The following APBA1 variants were observed in gnomAD, a reference collection of about 807,000 sequenced individuals.
APBA1 encodes the protein amyloid beta precursor protein binding family A member 1, also known as amyloid-beta A4 precursor protein-binding family A member 1.
Under a neutral mutation model 86.6 loss-of-function variants are expected in APBA1, and 55 were observed. That is an observed-to-expected ratio of 0.64 (90% CI 0.51 to 0.80). APBA1 has a LOEUF of 0.80. APBA1 is among the 30% of genes least tolerant of loss of function. The probability of loss-of-function intolerance (pLI) is 0.00; values close to 1 mark genes in which losing one functional copy is unlikely to be tolerated. For synonymous variants in APBA1, 511 were observed against 493.9 expected (o/e 1.03, Z -0.46); for missense variants, 1,090 against 1,183.0 (o/e 0.92, Z 1.15).
chr9:69,645,682 G>T (rs916283667), intron 1 of APBA1, among the ~76,000 whole-genome samples: 46 of 152,326 alleles, frequency 3.0e-4, no homozygotes, highest in African/African-American at 1.1e-3. Flanking sequence ...GGCAGGAGAA[G>T]GGTGGCCTTG....
At chr9:69,604,533 G>C (rs1223039944) in intron 1 of APBA1, among the ~76,000 whole-genome samples, 1 of 143,886 alleles carries the variant, frequency 6.9e-6, no homozygotes, top group Non-Finnish European at 1.5e-5. Flanking sequence ...AGGGTAACAG[G>C]AGAGGCACAC....
intron 1 of APBA1, among the ~76,000 whole-genome samples, chr9:69,582,862 A>G (rs1392183331): frequency 6.6e-6 from 1 of 152,242 alleles, no homozygotes; most frequent in Non-Finnish European, 1.5e-5. Context: ...AATCCTGTGT[A>G]GACTCACTAT....
At chr9:69,605,125 C>T (rs998170690) in intron 1 of APBA1, among the ~76,000 whole-genome samples, 1 of 152,142 alleles carries the variant, frequency 6.6e-6, no homozygotes, top group Non-Finnish European at 1.5e-5. Flanking sequence ...TTCTCCTGCC[C>T]TTTAAAAATA....
At chr9:69,553,098 G>T (rs1340859492) in intron 1 of APBA1, among the ~76,000 whole-genome samples, 3 of 152,092 alleles carry the variant, frequency 2.0e-5, no homozygotes, top group Non-Finnish European at 2.9e-5. Context: ...TAGAGACAGG[G>T]TTTCTCCATG....
chr9:69,575,746 T>C (rs1461631150), intron 1 of APBA1, among the ~76,000 whole-genome samples: 2 of 152,058 alleles, frequency 1.3e-5, no homozygotes, highest in Non-Finnish European at 2.9e-5. Flanking sequence ...CCTAAAACCA[T>C]AAAAACCCTA....
intron 3 of APBA1, 80 bp downstream of exon 3, chr9:69,475,968 A>C: frequency 8.8e-7 from 1 of 1,138,786 alleles, no homozygotes; most frequent in Non-Finnish European, 1.3e-6. Context: ...GCGCTGTAGG[A>C]TGCTGTATTA....
chr9:69,449,146 G>C (rs1366214798), intron 10 of APBA1, among the ~76,000 whole-genome samples: 1 of 152,130 alleles, frequency 6.6e-6, no homozygotes, highest in Admixed American at 6.5e-5. Flanking sequence ...GGGCCACTGG[G>C]AAGGAAAAAG....
chr9:69,611,557 C>G (rs1427405225), intron 1 of APBA1, among the ~76,000 whole-genome samples: 1 of 152,122 alleles, frequency 6.6e-6, no homozygotes, highest in South Asian at 2.1e-4. Flanking sequence ...CTGGTTTATT[C>G]AAAATTTTGG....
At chr9:69,580,232 C>A (rs1174596179) in intron 1 of APBA1, among the ~76,000 whole-genome samples, 1 of 152,166 alleles carries the variant, frequency 6.6e-6, no homozygotes, top group Non-Finnish European at 1.5e-5. Context: ...GGATTCGGAG[C>A]CTGAATCTGG....
intron 2 of APBA1, among the ~76,000 whole-genome samples, chr9:69,502,350 T>C (rs1835891779): frequency 6.6e-6 from 1 of 151,984 alleles, no homozygotes; most frequent in Non-Finnish European, 1.5e-5. Flanking sequence ...CAAGCTAAAA[T>C]AATTGGAGGC....
chr9:69,637,085 A>T (rs1470666709), intron 1 of APBA1, among the ~76,000 whole-genome samples: 5 of 152,194 alleles, frequency 3.3e-5, no homozygotes, highest in Non-Finnish European at 7.3e-5. Flanking sequence ...ATGGCACTGG[A>T]GGTATTTACG....
intron 2 of APBA1, among the ~76,000 whole-genome samples, chr9:69,496,710 G>A (rs1242303270): frequency 1.3e-5 from 2 of 151,942 alleles, no homozygotes; most frequent in Non-Finnish European, 2.9e-5. Context: ...TACAGCACTG[G>A]GCATCTCTCA....
chr9:69,621,153 AC>A (rs1822809710), intron 1 of APBA1, among the ~76,000 whole-genome samples: 2 of 152,232 alleles, frequency 1.3e-5, no homozygotes, highest in African/African-American at 4.8e-5. Flanking sequence ...TGTTATTATC[AC>A]CAGTGAAGGG....
rs553999216 is a variant in APBA1 at position 69,431,093 on chromosome 9, G to T, written c.*234C>A. 2.2e-6 allele frequency: 1 copy of T among 459,524 alleles called. No homozygotes were observed. The highest frequency in any genetic ancestry group is 3.7e-5 in the South Asian group (1 of 27,234). 28.5% of individuals were successfully genotyped at this position (459,524 alleles called of 1,614,324 possible). The stretch of plus-strand genomic sequence containing the variant: ...CCTGGGTCAGTACCAGGTGGGTGCT[G>T]GCTGCTCTCCATCCTCAAGGGAGTG... On this transcript the variant is annotated 3_prime_UTR_variant, in exon 13 of 13. Transcript: ENST00000265381.
At chr9:69,626,517 C>T (rs956808360) in intron 1 of APBA1, among the ~76,000 whole-genome samples, 2 of 152,010 alleles carry the variant, frequency 1.3e-5, no homozygotes, top group Non-Finnish European at 2.9e-5. Flanking sequence ...TCGTGTGTAT[C>T]GCAATATACA....
intron 1 of APBA1, among the ~76,000 whole-genome samples, chr9:69,611,293 A>AC (rs1459106366): frequency 6.6e-6 from 1 of 151,036 alleles, no homozygotes; most frequent in East Asian, 1.9e-4. Context: ...AGGAAAAAAA[A>AC]AAAAAAAAAA....
chr9:69,450,421 C>G (rs530837927), intron 9 of APBA1, among the ~76,000 whole-genome samples: 7 of 152,150 alleles, frequency 4.6e-5, no homozygotes, highest in Admixed American at 6.5e-5. Context: ...ATGTTGGATA[C>G]TTGCACTCTG....
At chr9:69,513,204 T>C (rs1328866878) in intron 2 of APBA1, among the ~76,000 whole-genome samples, 5 of 152,254 alleles carry the variant, frequency 3.3e-5, no homozygotes. Flanking sequence ...CATCATACAA[T>C]GTTCTATAAT....
chr9:69,627,445 A>T (rs1822955670), intron 1 of APBA1, among the ~76,000 whole-genome samples: 1 of 152,142 alleles, frequency 6.6e-6, no homozygotes, highest in African/African-American at 2.4e-5. Context: ...ATAGCAAAAA[A>T]GGATAATTTG....
Sources: allele counts gnomAD v4.1 joint callset (sites outside exome capture counted in the v4.1 genomes callset), GRCh38; gene constraint gnomAD v4.1.1; transcripts MANE v1.5; gene names NCBI Gene and HGNC (gene_info 2026-07-23, HGNC 2026-07-21).